Variants in CAMK2G observed in about 807,000 individuals in gnomAD.
The protein encoded by CAMK2G is calcium/calmodulin dependent protein kinase II gamma, also known as calcium/calmodulin-dependent protein kinase type II subunit gamma.
Under a neutral mutation model 88.7 loss-of-function variants are expected in CAMK2G, and 23 were observed. That is an observed-to-expected ratio of 0.26 (90% CI 0.19 to 0.37). The LOEUF (loss-of-function observed/expected upper bound fraction) is 0.37, where lower values mean the gene tolerates loss of function less well. CAMK2G is among the 10% of genes least tolerant of loss of function. CAMK2G has a pLI of 1.00. For missense variants in CAMK2G, 476 were observed against 780.8 expected, an observed-to-expected ratio of 0.61 and a Z score of 4.65; for synonymous variants, 263 against 294.8, an observed-to-expected ratio of 0.89 and a Z score of 1.11.
intron 4 of CAMK2G, chr10:73,852,653 A>C: frequency 3.0e-6 from 1 of 331,124 alleles, no homozygotes; most frequent in Non-Finnish European, 5.6e-6. Flanking sequence ...AAACACTAAA[A>C]TATCGCTGCC....
chr10:73,817,515 A>C lies in CAMK2G; in HGVS notation c.1403T>G (p.Ile468Ser), dbSNP rs1315737393. ...AAAGTCCCCATTGTTGATGGCTTCA[A>C]TCAGCTGTTCTGTAATCTTAATGAT... ...QEIIKITEQL[I>S]EAINNGDFEA... Residue 468 changes from isoleucine (I) to serine (S), a missense_variant, in exon 20 of 23, where the codon ATT becomes AGT. Transcript: ENST00000423381. 1 of 1,613,646 alleles carries C rather than the reference A, an allele frequency of 6.2e-7. No homozygotes were observed. The highest frequency in any genetic ancestry group is 2.2e-5 in the East Asian group (1 of 44,878).
intron 12 of CAMK2G, among the ~76,000 whole-genome samples, chr10:73,840,790 G>C (rs2093713637): frequency 1.3e-5 from 2 of 152,234 alleles, no homozygotes; most frequent in African/African-American, 4.8e-5. Flanking sequence ...AGAGAGGACA[G>C]AGCTTCGCTC....
Position 73,848,033 on chromosome 10 carries a change from C to T in CAMK2G, c.651G>A (p.Glu217=). The change falls in exon 9 of 23, where the codon GAG becomes GAA. Residue 217 remains glutamate, a synonymous_variant. Coordinates refer to ENST00000423381, the MANE Select transcript of CAMK2G (RefSeq NM_001367534.1). The surrounding 1 kb of genome is among the most constrained non-coding windows in gnomAD (Gnocchi z 4.5). ...LLVGYPPFWD[E]DQHKLYQQIK... The stretch of plus-strand genomic sequence containing the variant: ...TCTGCTGATACAGCTTGTGCTGATC[C>T]TCATCCCAGAAGGGAGGATAGCCCA... 1 of 1,613,082 alleles carries T rather than the reference C, an allele frequency of 6.2e-7. No individual in the cohort carries two copies. Among genetic ancestry groups the T allele is most frequent in the Non-Finnish European group, 8.5e-7 (1 of 1,179,094 alleles).
Position 73,840,155 on chromosome 10 carries a change from C to G in CAMK2G, c.947-554G>C, listed in dbSNP as rs2093661637. ...GGCCCCAGCTCCATGCCCCCCAACC[C>G]CTCAGAGACACAGGTCCCTGTCTTA... On this transcript the variant is annotated intron_variant, in intron 12 of 22. Transcript: ENST00000423381. Among the ~76,000 whole-genome samples, 3 of 151,934 alleles carry G rather than the reference C, an allele frequency of 2.0e-5. 1 individual carries two copies. The South Asian group carries it at 6.3e-4, about 32-fold the overall frequency.
rs752375415 is a variant in CAMK2G, at chr10:73,817,157, T to C, written c.1440-40A>G. On this transcript the variant is annotated intron_variant, in intron 20 of 22. Coordinates refer to ENST00000423381, the MANE Select transcript of CAMK2G (RefSeq NM_001367534.1). The stretch of plus-strand genomic sequence containing the variant: ...AAAAAAGCAGCCTATCAGGCTTCTA[T>C]GGAGTGACTTGTCTTCCTTCCTTAT... 3 of 1,565,106 alleles carry C rather than the reference T, an allele frequency of 1.9e-6. No individual in the cohort carries two copies. In the South Asian group the frequency reaches 3.7e-5, roughly 19 times the overall value.
At chr10:73,828,142 G>A (rs1207078628) in intron 14 of CAMK2G, 21 bp from the exon 15 acceptor site, 2 of 1,608,876 alleles carry the variant, frequency 1.2e-6, no homozygotes, top group East Asian at 2.2e-5. Context: ...CACAGCAAGA[G>A]GGAAAGAGAA....
intron 5 of CAMK2G, 73 bp from the exon 6 acceptor site, chr10:73,849,406 G>A (rs930987176): frequency 8.7e-6 from 9 of 1,035,800 alleles, no homozygotes; most frequent in Non-Finnish European, 1.0e-5. Flanking sequence ...ACCACATGCT[G>A]CAGACTAAGG....
At position 73,848,129 on chromosome 10, in the gene CAMK2G, C is replaced by G. The variant is rs749043013; in HGVS notation, c.602-47G>C. The G allele has an allele frequency of 1.7e-6, 2 of 1,182,250 alleles. No individual in the cohort carries two copies. The highest frequency in any genetic ancestry group is 3.0e-5 in the African/African-American group (2 of 66,398). The allele number at this position is 1,182,250 out of a possible 1,614,324, so 73.2% of individuals were successfully genotyped here. The stretch of plus-strand genomic sequence containing the variant: ...TCATGGGGGTCAGTCGCCTACTTCC[C>G]TGAGGAACCAAGAAAAACCATGCAG... On this transcript the variant is annotated intron_variant, in intron 8 of 22. Coordinates refer to ENST00000423381, the MANE Select transcript of CAMK2G (RefSeq NM_001367534.1). The surrounding 1 kb of genome is among the most constrained non-coding windows in gnomAD (Gnocchi z 4.5).
chr10:73,847,824 G>A (rs899350663), intron 9 of CAMK2G, among the ~76,000 whole-genome samples, 164 bp downstream of exon 9: 2 of 152,182 alleles, frequency 1.3e-5, no homozygotes, highest in African/African-American at 4.8e-5. Context: ...CTGGGACATA[G>A]AGTGGCAAGA....
At chr10:73,834,796 T>C (rs1258735855) in intron 14 of CAMK2G, among the ~76,000 whole-genome samples, 2 of 152,250 alleles carry the variant, frequency 1.3e-5, no homozygotes, top group Non-Finnish European at 2.9e-5. Flanking sequence ...CTTACATGGC[T>C]GCACATGACC....
Position 73,815,070 on chromosome 10 carries a change from T to C in CAMK2G, c.1712A>G (p.Lys571Arg). ...GCAGTGATAGTGGACATTGAGCCAC[T>C]TGCCATCCCGACGGTGCCAGACCCG... The part of the protein sequence containing the change: ...ETRVWHRRDG[K>R]WLNVHYHCSG... Residue 571 changes from lysine to arginine, a missense_variant, in exon 22 of 23, where the codon AAG becomes AGG. Coordinates refer to ENST00000423381, the MANE Select transcript of CAMK2G (RefSeq NM_001367534.1). 6.2e-7 allele frequency: 1 copy of C among 1,614,176 alleles called. No individual in the cohort carries two copies. Among genetic ancestry groups the C allele is most frequent in the Non-Finnish European group, 8.5e-7 (1 of 1,180,020 alleles).
At chr10:73,861,146 C>A (rs2095353089) in intron 2 of CAMK2G, among the ~76,000 whole-genome samples, 1 of 152,226 alleles carries the variant, frequency 6.6e-6, no homozygotes, top group Non-Finnish European at 1.5e-5. Flanking sequence ...CCCACCTCAG[C>A]CTCCTGAATA....
intron 14 of CAMK2G, among the ~76,000 whole-genome samples, chr10:73,831,603 C>T (rs2092456667): frequency 6.7e-6 from 1 of 148,746 alleles, no homozygotes; most frequent in South Asian, 2.1e-4. Flanking sequence ...GGCGTGGTGG[C>T]TCATGCCTGT....
intron 4 of CAMK2G, 103 bp downstream of exon 4, chr10:73,853,089 G>A (rs1301163490): frequency 1.9e-6 from 2 of 1,045,434 alleles, no homozygotes; most frequent in Non-Finnish European, 3.0e-6. Context: ...AAAGGAGGGG[G>A]CCCTGGGCGG....
At chr10:73,846,011 C>T (rs1229180216) in intron 10 of CAMK2G, among the ~76,000 whole-genome samples, 1 of 151,722 alleles carries the variant, frequency 6.6e-6, no homozygotes, top group African/African-American at 2.4e-5. Flanking sequence ...CCTCAAACTC[C>T]TGGGCTTATG....
chr10:73,816,580 C>T, intron 21 of CAMK2G: 1 of 623,988 alleles, frequency 1.6e-6, no homozygotes, highest in African/African-American at 1.9e-5. Context: ...CCTGCCTCAG[C>T]CACCCGAGTA....
chr10:73,817,676 C>T, intron 19 of CAMK2G, 122 bp from the exon 20 acceptor site: 1 of 695,960 alleles, frequency 1.4e-6, no homozygotes. Context: ...TCTTCTCTGT[C>T]TCTAGGGCCC....
intron 2 of CAMK2G, 84 bp from the exon 3 acceptor site, chr10:73,860,973 G>C: frequency 1.1e-6 from 1 of 924,664 alleles, no homozygotes; most frequent in Non-Finnish European, 1.8e-6. Flanking sequence ...CTTCAGTTCA[G>C]GTACTAACTA....
At chr10:73,821,823 G>T (rs987045536) in intron 17 of CAMK2G, 93 bp from the exon 18 acceptor site, 8 of 958,968 alleles carry the variant, frequency 8.3e-6, no homozygotes, top group Admixed American at 2.0e-5. Flanking sequence ...GCTCCTACAA[G>T]AGGTGCAAGG....
Sources: allele counts gnomAD v4.1 joint callset (sites outside exome capture counted in the v4.1 genomes callset), GRCh38; gene constraint gnomAD v4.1.1; non-coding constraint Gnocchi (gnomAD v3.1); transcripts MANE v1.5; gene names NCBI Gene and HGNC (gene_info 2026-07-23, HGNC 2026-07-21).